Variants in ARNT2 observed in about 807,000 individuals in gnomAD.
The protein encoded by ARNT2 is ARNT protein 2.
A neutral mutation model predicts 91.7 loss-of-function variants in ARNT2; 36 were observed. That is an observed-to-expected ratio of 0.39 (90% confidence interval 0.30 to 0.52). ARNT2 has a LOEUF of 0.52. Ranked by LOEUF, ARNT2 falls within the 20% of genes least tolerant of loss-of-function variation. The pLI, the probability that ARNT2 is intolerant of heterozygous loss-of-function variation, is 0.72. For missense variants in ARNT2, 775 were observed against 939.3 expected (o/e 0.83, Z 2.29); for synonymous variants, 365 against 347.1 (o/e 1.05, Z -0.57).
intron 5 of ARNT2, among the ~76,000 whole-genome samples, chr15:80,481,105 G>T (rs1224979061): frequency 1.3e-5 from 2 of 152,182 alleles, no homozygotes; most frequent in Non-Finnish European, 2.9e-5. Flanking sequence ...AAGTTCCTGT[G>T]CATGATTCAC....
intron 1 of ARNT2, among the ~76,000 whole-genome samples, chr15:80,441,646 G>A (rs1486840742): frequency 6.6e-6 from 1 of 152,202 alleles, no homozygotes; most frequent in Non-Finnish European, 1.5e-5. Context: ...TGTAGGGAGA[G>A]CAAGATGTCT....
chr15:80,470,350 C>T lies in ARNT2; in HGVS notation c.327C>T (p.Ala109=), dbSNP rs753003138. Residue 109 remains alanine (A), a synonymous_variant, in exon 4 of 19, where the codon GCC becomes GCT. Coordinates refer to ENST00000303329, the MANE Select transcript of ARNT2 (RefSeq NM_014862.4). The part of the protein sequence containing the change: ...KPDKLTILRM[A]VSHMKSMRGT... ...ACAAGCTCACCATCCTCCGCATGGC[C>T]GTCTCGCACATGAAGTCCATGAGGG... The T allele has an allele frequency of 7.4e-5, 119 of 1,614,068 alleles. No individual in the cohort carries two copies. Among genetic ancestry groups the T allele is most frequent in the East Asian group, 5.1e-4 (23 of 44,892 alleles).
chr15:80,413,203 G>A (rs888742215), intron 1 of ARNT2, among the ~76,000 whole-genome samples: 1 of 152,242 alleles, frequency 6.6e-6, no homozygotes, highest in African/African-American at 2.4e-5. Flanking sequence ...CCATGACTGG[G>A]CTCTCCATGC....
intron 1 of ARNT2, among the ~76,000 whole-genome samples, chr15:80,428,441 C>T (rs1016451284): frequency 6.6e-6 from 1 of 152,224 alleles, no homozygotes; most frequent in Non-Finnish European, 1.5e-5. Flanking sequence ...GCTCTTCTGC[C>T]TGCGTTCTTA....
At chr15:80,507,525 G>A (rs1395792047) in intron 5 of ARNT2, among the ~76,000 whole-genome samples, 1 of 152,134 alleles carries the variant, frequency 6.6e-6, no homozygotes, top group Non-Finnish European at 1.5e-5. Flanking sequence ...TGGCCCTGGG[G>A]CTAAGGAAAT....
At position 80,543,614 on chromosome 15, in the gene ARNT2, C is replaced by A. The variant is rs551751423; in HGVS notation, c.878-7585C>A. On this transcript the variant is annotated intron_variant, in intron 8 of 18. Coordinates refer to ENST00000303329, the MANE Select transcript of ARNT2 (RefSeq NM_014862.4). The stretch of plus-strand genomic sequence containing the variant: ...CACTTGAAGTTTTCCAATGAGATCA[C>A]TGATACTCATTTTATTGAAAAAGAA... Among the ~76,000 whole-genome samples the A allele has an allele frequency of 4.6e-5, 7 of 152,270 alleles. No individual in the cohort carries two copies. In the South Asian group the frequency reaches 6.2e-4, roughly 14 times the overall value.
chr15:80,514,613 G>T (rs537334432), intron 8 of ARNT2, among the ~76,000 whole-genome samples: 3 of 152,230 alleles, frequency 2.0e-5, no homozygotes, highest in Admixed American at 6.5e-5. Flanking sequence ...GCAACCAGAC[G>T]CAGTGGCTCA....
At chr15:80,414,938 G>A (rs997184901) in intron 1 of ARNT2, among the ~76,000 whole-genome samples, 10 of 152,184 alleles carry the variant, frequency 6.6e-5, no homozygotes, top group African/African-American at 2.4e-4. Flanking sequence ...GGCTACGTGT[G>A]TGTTCCATCA....
At chr15:80,456,937 C>A (rs1408776324) in intron 2 of ARNT2, among the ~76,000 whole-genome samples, 1 of 152,006 alleles carries the variant, frequency 6.6e-6, no homozygotes, top group Non-Finnish European at 1.5e-5. Flanking sequence ...ATCCAGTCCA[C>A]CAGGACTACA....
intron 8 of ARNT2, among the ~76,000 whole-genome samples, chr15:80,536,288 C>T: frequency 6.6e-6 from 1 of 152,180 alleles, no homozygotes; most frequent in East Asian, 1.9e-4. Context: ...CTTGAGGAGC[C>T]AGGGTCTGAT....
chr15:80,478,094 T>A (rs1426040721), intron 5 of ARNT2, among the ~76,000 whole-genome samples: 1 of 152,178 alleles, frequency 6.6e-6, no homozygotes, highest in East Asian at 1.9e-4. Flanking sequence ...ATAGAAATCC[T>A]AAGGGACACA....
chr15:80,483,217 A>G lies in ARNT2; in HGVS notation c.622+7994A>G, dbSNP rs568911532. Among the ~76,000 whole-genome samples the G allele has an allele frequency of 1.0e-3, 154 of 152,358 alleles. 3 individuals carry two copies. In the South Asian group the frequency reaches 0.03, roughly 29 times the overall value. On this transcript the variant is annotated intron_variant, in intron 5 of 18. Transcript: ENST00000303329. Reference sequence around the variant, plus strand: ...CCAGGCCTACTGAATCAGGATGTACATTTTAATAGGATTCCCGAGGAACTT... The same window carrying G: ...CCAGGCCTACTGAATCAGGATGTACGTTTTAATAGGATTCCCGAGGAACTT...
chr15:80,534,817 G>C (rs1897794314), intron 8 of ARNT2, among the ~76,000 whole-genome samples: 1 of 152,180 alleles, frequency 6.6e-6, no homozygotes, highest in East Asian at 1.9e-4. Flanking sequence ...TAGCTAAGAA[G>C]TGCTATAGGA....
intron 1 of ARNT2, among the ~76,000 whole-genome samples, chr15:80,414,945 A>G (rs1895756635): frequency 6.6e-6 from 1 of 152,200 alleles, no homozygotes. Context: ...TGTGTGTTCC[A>G]TCAGTCTCTA....
At chr15:80,547,497 C>T (rs1184740583) in intron 8 of ARNT2, among the ~76,000 whole-genome samples, 1 of 152,148 alleles carries the variant, frequency 6.6e-6, no homozygotes, top group Non-Finnish European at 1.5e-5. Context: ...AGCATGTATG[C>T]TTCCTTTGGG....
chr15:80,515,578 G>A (rs965599612), intron 8 of ARNT2, among the ~76,000 whole-genome samples: 1 of 152,156 alleles, frequency 6.6e-6, no homozygotes, highest in Non-Finnish European at 1.5e-5. Flanking sequence ...TCTTGGTACT[G>A]CAGGGAAGAA....
At chr15:80,531,054 T>C (rs1897731381) in intron 8 of ARNT2, among the ~76,000 whole-genome samples, 1 of 152,248 alleles carries the variant, frequency 6.6e-6, no homozygotes, top group African/African-American at 2.4e-5. Flanking sequence ...AATATTCCTC[T>C]GAGAATACTT....
chr15:80,502,258 A>G (rs1897208132), intron 5 of ARNT2, among the ~76,000 whole-genome samples: 2 of 152,218 alleles, frequency 1.3e-5, no homozygotes, highest in South Asian at 4.1e-4. Context: ...GCAGTTATAG[A>G]TGCCCGCAAG....
At chr15:80,410,610 A>G (rs1895666959) in intron 1 of ARNT2, among the ~76,000 whole-genome samples, 1 of 152,198 alleles carries the variant, frequency 6.6e-6, no homozygotes, top group Non-Finnish European at 1.5e-5. Flanking sequence ...TTCACAGAAC[A>G]TAGAGCTTTT....
Sources: allele counts gnomAD v4.1 joint callset (sites outside exome capture counted in the v4.1 genomes callset), GRCh38; gene constraint gnomAD v4.1.1; transcripts MANE v1.5; gene names NCBI Gene and HGNC (gene_info 2026-07-23, HGNC 2026-07-21).